Variants in ZNF83 observed in about 807,000 individuals in gnomAD.
The protein encoded by ZNF83 is zinc finger protein 816B.
For synonymous variants in ZNF83, 209 were observed against 213.0 expected (o/e 0.98, Z 0.17); for missense variants, 552 against 629.9 (o/e 0.88, Z 1.32).
At chr19:52,666,569 A>C (rs1356853603) in intron 1 of ZNF83, among the ~76,000 whole-genome samples, 1 of 149,846 alleles carries the variant, frequency 6.7e-6, no homozygotes, top group African/African-American at 2.5e-5. Flanking sequence ...TAACTTTTAG[A>C]GGAAACCTCA....
exon 3 of ZNF83, chr19:52,613,083 G>T: frequency 6.2e-7 from 1 of 1,613,318 alleles, no homozygotes; most frequent in Admixed American, 1.7e-5. Flanking sequence ...AATTGTCGCG[G>T]AAGAGTTTGC....
chr19:52,612,782 T>G, exon 3 of ZNF83: 1 of 502,650 alleles, frequency 2.0e-6, no homozygotes. Context: ...TTTGTTAGGT[T>G]TCTCACCAGC....
At chr19:52,637,775 T>C (rs1276761575) in intron 1 of ZNF83, among the ~76,000 whole-genome samples, 1 of 152,064 alleles carries the variant, frequency 6.6e-6, no homozygotes, top group East Asian at 1.9e-4. Context: ...AGGCCCCGGG[T>C]ACCTCCCCAA....
chr19:52,663,552 G>C (rs2147285984), intron 1 of ZNF83, among the ~76,000 whole-genome samples: 1 of 152,302 alleles, frequency 6.6e-6, no homozygotes, highest in South Asian at 2.1e-4. Flanking sequence ...AAAGAAAATG[G>C]AGTAATAGGC....
At chr19:52,628,512 C>T (rs147336361) in intron 2 of ZNF83, among the ~76,000 whole-genome samples, 1,769 of 152,222 alleles carry the variant, frequency 0.012, 32 homozygotes, top group African/African-American at 0.04. Context: ...AAAACTCGGG[C>T]GCCGGTCACG....
intron 3 of ZNF83, chr19:52,653,066 G>A (rs1456904476): frequency 2.0e-6 from 3 of 1,489,002 alleles, no homozygotes; most frequent in Non-Finnish European, 2.8e-6. Flanking sequence ...CACTTGTAAG[G>A]TTTCTCTCCA....
At chr19:52,679,683 T>C (rs893749519) in intron 1 of ZNF83, among the ~76,000 whole-genome samples, 2 of 152,176 alleles carry the variant, frequency 1.3e-5, no homozygotes, top group Non-Finnish European at 2.9e-5. Flanking sequence ...TTCTATCTCA[T>C]AACCTGGTCC....
intron 3 of ZNF83, chr19:52,652,293 A>G: frequency 4.2e-6 from 1 of 236,904 alleles, no homozygotes; most frequent in Non-Finnish European, 8.3e-6. Context: ...AAAATTAGCC[A>G]GGCTTGGTGG....
chr19:52,630,205 T>TG, intron 2 of ZNF83, among the ~76,000 whole-genome samples: 1 of 150,516 alleles, frequency 6.6e-6, no homozygotes, highest in South Asian at 2.1e-4. Context: ...CATGGCTCTC[T>TG]GACTGACTCC....
chr19:52,655,728 G>A, intron 2 of ZNF83: 1 of 801,002 alleles, frequency 1.2e-6, no homozygotes, highest in Non-Finnish European at 2.1e-6. Context: ...TTAGGGAGGA[G>A]TCATTACCTT....
At chr19:52,641,015 GGA>G (rs1297068898), upstream of ZNF83, among the ~76,000 whole-genome samples, 1 of 152,108 alleles carries the variant, frequency 6.6e-6, no homozygotes, top group East Asian at 1.9e-4. Context: ...GCCCAGCTGA[GGA>G]GAGAGCCCGA....
chr19:52,620,270 C>CTGTGTGTGTGTGTGTGTGTGTGTGTG lies in ZNF83; in HGVS notation c.-233-5474_-233-5473insCACACACACACACACACACACACACA, dbSNP rs377267661. ...TGTGTATATCTGTGTGTGTATATCT[C>CTGTGTGTGTGTGTGTGTGTGTGTGTG]TGTGTGTGTGTGTGTGTGTGTGTAT... is the stretch of plus-strand genomic sequence containing the variant. On this transcript the variant is annotated intron_variant, in intron 2 of 2. Coordinates refer to ENST00000301096, the Ensembl canonical transcript of ZNF83. Among the ~76,000 whole-genome samples the CTGTGTGTGTGTGTGTGTGTGTGTGTG allele has an allele frequency of 2.5e-3, 360 of 144,362 alleles. 4 individuals are homozygous for CTGTGTGTGTGTGTGTGTGTGTGTGTG. The highest frequency in any genetic ancestry group is 8.3e-3 in the African/African-American group (317 of 38,270). 94.7% of individuals were successfully genotyped at this position (144,362 alleles called of 152,430 possible).
chr19:52,613,748 T>C (rs755426619), exon 3 of ZNF83: 4 of 1,383,884 alleles, frequency 2.9e-6, no homozygotes, highest in Non-Finnish European at 3.8e-6. Context: ...AGGTGTGAAA[T>C]ATGATGGAAG....
At chr19:52,628,700 G>T (rs1461641966) in intron 2 of ZNF83, among the ~76,000 whole-genome samples, 2 of 151,842 alleles carry the variant, frequency 1.3e-5, no homozygotes, top group African/African-American at 4.8e-5. Flanking sequence ...TTCTCTCTGT[G>T]TCTCTACCCC....
chr19:52,641,133 GGCCCCCA>G (rs2061299483), upstream of ZNF83, among the ~76,000 whole-genome samples: 1 of 146,906 alleles, frequency 6.8e-6, no homozygotes, highest in African/African-American at 2.6e-5. Context: ...TGTATGGCCT[GGCCCCCA>G]GGCGGCCTCC....
intron 1 of ZNF83, among the ~76,000 whole-genome samples, chr19:52,663,733 T>A (rs2061609149): frequency 6.6e-6 from 1 of 152,112 alleles, no homozygotes. Flanking sequence ...ACAATAAATT[T>A]CAGAGAAAAA....
intron 1 of ZNF83, among the ~76,000 whole-genome samples, chr19:52,666,765 A>G (rs567756818): frequency 1.3e-5 from 2 of 152,192 alleles, no homozygotes; most frequent in Admixed American, 1.3e-4. Context: ...AGGGGGTCTA[A>G]ATCTTAATTA....
chr19:52,636,679 AG>A (rs34315678), intron 1 of ZNF83: 76,964 of 151,932 alleles, frequency 0.51, 20,299 homozygotes, highest in East Asian at 0.7. Context: ...CTTTTGAGAC[AG>A]GGTCTTGCTC....
At chr19:52,638,679 C>T (rs1041222881), upstream of ZNF83, among the ~76,000 whole-genome samples, 5 of 152,218 alleles carry the variant, frequency 3.3e-5, no homozygotes, top group African/African-American at 9.7e-5. Flanking sequence ...GCTGATAGCC[C>T]ACAGAACCGA....
Sources: allele counts gnomAD v4.1 joint callset (sites outside exome capture counted in the v4.1 genomes callset), GRCh38; gene constraint gnomAD v4.1.1; transcripts MANE v1.5; gene names NCBI Gene and HGNC (gene_info 2026-07-23, HGNC 2026-07-21).